TUT4: variants seen among roughly 807,000 people sequenced by gnomAD.
TUT4 encodes the protein terminal uridylyltransferase 4.
Under a neutral mutation model 192.2 loss-of-function variants are expected in TUT4, and 36 were observed. The observed-to-expected ratio is 0.19, with a 90% confidence interval of 0.14 to 0.25. TUT4 has a LOEUF of 0.25. Among genes scored for constraint, TUT4 ranks in the 10% least tolerant of loss-of-function variants. The pLI, the probability that TUT4 is intolerant of heterozygous loss-of-function variation, is 1.00. For synonymous variants in TUT4, 618 were observed against 666.0 expected, an observed-to-expected ratio of 0.93 and a Z score of 1.11; for missense variants, 1,493 against 1,957.2, an observed-to-expected ratio of 0.76 and a Z score of 4.47.
At chr1:52,479,343 TTAAGAACAGACCA>T in intron 11 of TUT4, among the ~76,000 whole-genome samples, 1 of 152,210 alleles carries the variant, frequency 6.6e-6, no homozygotes, top group Non-Finnish European at 1.5e-5. Flanking sequence ...GTTCTGATTT[TTAAGAACAGACCA>T]TAAGAGGAAA....
chr1:52,495,562 G>T, intron 5 of TUT4, 47 bp from the exon 6 acceptor site: 2 of 1,434,514 alleles, frequency 1.4e-6, no homozygotes, highest in South Asian at 2.5e-5. Flanking sequence ...ATGCAAATAT[G>T]AGAGATGTAA....
intron 2 of TUT4, among the ~76,000 whole-genome samples, chr1:52,518,275 T>C (rs1045213671): frequency 6.6e-6 from 1 of 152,218 alleles, no homozygotes; most frequent in Non-Finnish European, 1.5e-5. Context: ...CAGCTCAGGC[T>C]GCCACAACAA....
chr1:52,474,804 T>C, intron 13 of TUT4, 28 bp downstream of exon 13: 1 of 1,530,390 alleles, frequency 6.5e-7, no homozygotes, highest in Admixed American at 2.0e-5. Context: ...CACAAAATCT[T>C]ACAGATCATT....
At chr1:52,484,580 T>G (rs1669328002) in intron 9 of TUT4, among the ~76,000 whole-genome samples, 1 of 152,190 alleles carries the variant, frequency 6.6e-6, no homozygotes, top group Non-Finnish European at 1.5e-5. Context: ...AATTTTAAAT[T>G]TTCATTTAAG....
chr1:52,424,630 C>T (rs1649194509), intron 29 of TUT4: 1 of 152,236 alleles, frequency 6.6e-6, no homozygotes. Flanking sequence ...AGATAAAATG[C>T]TCCAAGTTTC....
intron 24 of TUT4, among the ~76,000 whole-genome samples, chr1:52,444,977 G>T (rs1400788569): frequency 6.8e-6 from 1 of 146,624 alleles, no homozygotes; most frequent in African/African-American, 2.7e-5. Flanking sequence ...ACATGTATAT[G>T]TGTGTATATA....
chr1:52,472,412 T>C (rs1178764559), intron 13 of TUT4, among the ~76,000 whole-genome samples: 2 of 152,054 alleles, frequency 1.3e-5, no homozygotes, highest in African/African-American at 2.4e-5. Context: ...GGAAAATATA[T>C]GCATTTATTT....
chr1:52,456,492 A>C (rs1264974000), intron 20 of TUT4, among the ~76,000 whole-genome samples: 2 of 150,770 alleles, frequency 1.3e-5, no homozygotes, highest in African/African-American at 4.9e-5. Flanking sequence ...AAAAATTAAA[A>C]AAAAAAAAGA....
intron 4 of TUT4, among the ~76,000 whole-genome samples, chr1:52,505,259 T>C (rs924733174): frequency 6.6e-6 from 1 of 152,024 alleles, no homozygotes; most frequent in Non-Finnish European, 1.5e-5. Flanking sequence ...TAACTGTTAG[T>C]TTTTTGTAGA....
At position 52,482,721 on chromosome 1, in the gene TUT4, C is replaced by A. The variant is rs991356825; in HGVS notation, c.1516-798G>T. Among the ~76,000 whole-genome samples, 11 of 152,296 alleles carry A rather than the reference C, an allele frequency of 7.2e-5. No homozygotes were observed. In the East Asian group the frequency reaches 2.1e-3, roughly 29 times the overall value. On this transcript the variant is annotated intron_variant, in intron 9 of 29. Coordinates refer to ENST00000257177, the MANE Select transcript of TUT4 (RefSeq NM_001009881.3). ...AGTTCTGGGTATTTATAGGCATGAG[C>A]CACCATGCCCAGCCAACACATTCTT...
chr1:52,527,538 T>A (rs556197085), intron 1 of TUT4, among the ~76,000 whole-genome samples: 1 of 151,638 alleles, frequency 6.6e-6, no homozygotes, highest in South Asian at 2.1e-4. Flanking sequence ...GGCCACAGAG[T>A]AAGACTCTGT....
At chr1:52,524,720 T>C (rs1022814411) in intron 2 of TUT4, among the ~76,000 whole-genome samples, 7 of 151,114 alleles carry the variant, frequency 4.6e-5, no homozygotes, top group African/African-American at 1.5e-4. Context: ...ACAGAATTGC[T>C]TGAACCTGGG....
chr1:52,458,050 A>G (rs923247284), intron 20 of TUT4, among the ~76,000 whole-genome samples: 2 of 152,218 alleles, frequency 1.3e-5, no homozygotes, highest in African/African-American at 4.8e-5. Flanking sequence ...GGCTGGCTAC[A>G]AGAACTTCAC....
At position 52,525,595 on chromosome 1, in the gene TUT4, G is replaced by A. The variant is rs1681543884; in HGVS notation, c.686C>T (p.Ala229Val). The change falls in exon 2 of 30, where the codon GCT (alanine) becomes GTT (valine). Residue 229 changes from alanine to valine, a missense_variant. By Grantham distance (64) the Ala-to-Val change is moderately conservative. Coordinates refer to ENST00000257177, the MANE Select transcript of TUT4 (RefSeq NM_001009881.3). ...TDNTGDSDDS[A>V]SGIEDVSDDL... ...GTCCGATACGTCTTCAATTCCTGAA[G>A]CACTATCATCAGAATCACCAGTATT... 5.6e-6 allele frequency: 9 copies of A among 1,611,466 alleles called. No individual in the cohort carries two copies. The highest frequency in any genetic ancestry group is 6.8e-6 in the Non-Finnish European group (8 of 1,178,904).
At chr1:52,462,124 T>C (rs1303185554) in intron 16 of TUT4, 1 of 169,602 alleles carries the variant, frequency 5.9e-6, no homozygotes, top group Non-Finnish European at 1.3e-5. Context: ...GGCAAAACAA[T>C]ATACTGATTA....
chr1:52,495,588 A>C, intron 5 of TUT4, 73 bp from the exon 6 acceptor site: 1 of 1,077,658 alleles, frequency 9.3e-7, no homozygotes, highest in Non-Finnish European at 1.4e-6. Context: ...CAGCGACGGG[A>C]AAATTTCACA....
chr1:52,457,316 A>G (rs1017467084), intron 20 of TUT4, among the ~76,000 whole-genome samples: 4 of 151,290 alleles, frequency 2.6e-5, no homozygotes, highest in African/African-American at 9.7e-5. Context: ...GTTCACTGCA[A>G]CCTCTGCCTC....
At chr1:52,522,682 T>A (rs1264990909) in intron 2 of TUT4, among the ~76,000 whole-genome samples, 1 of 152,160 alleles carries the variant, frequency 6.6e-6, no homozygotes, top group South Asian at 2.1e-4. Flanking sequence ...TCCCAGCACT[T>A]TGGGAGGCTG....
In TUT4 at chr1:52,488,829, C is replaced by A. The variant is rs1225112360; in HGVS notation, c.1515+80G>T. 2.1e-6 allele frequency: 3 copies of A among 1,418,944 alleles called. No homozygotes were observed. The Admixed American group carries it at 7.6e-5, about 36-fold the overall frequency. The allele number at this position is 1,418,944 out of a possible 1,614,324, so 87.9% of individuals were successfully genotyped here. A position where few individuals can be genotyped will look rare whatever the true frequency, so the allele number is the denominator to read the frequency against. On this transcript the variant is annotated intron_variant, in intron 9 of 29. Coordinates refer to ENST00000257177, the MANE Select transcript of TUT4 (RefSeq NM_001009881.3). The stretch of plus-strand genomic sequence containing the variant: ...TTATGATTGATGTTACATGTCAGTA[C>A]AAGAAAAGGCCTAATTTTGAAGATT...
Sources: allele counts gnomAD v4.1 joint callset (sites outside exome capture counted in the v4.1 genomes callset), GRCh38; gene constraint gnomAD v4.1.1; transcripts MANE v1.5; gene names NCBI Gene and HGNC (gene_info 2026-07-23, HGNC 2026-07-21).